SRI: variants seen among roughly 807,000 people sequenced by gnomAD.
The protein encoded by SRI is 22 kDa protein.
SRI carries 30 observed loss-of-function variants against 33.3 expected under a neutral mutation model. That is an observed-to-expected ratio of 0.90 (90% CI 0.67 to 1.22). The LOEUF (loss-of-function observed/expected upper bound fraction) is 1.22. Ranked by LOEUF, SRI falls within the 50% of genes most tolerant of loss-of-function variation. The probability of loss-of-function intolerance (pLI) is 0.00; values close to 1 mark genes in which losing one functional copy is unlikely to be tolerated. For missense variants in SRI, 243 were observed against 250.8 expected, an observed-to-expected ratio of 0.97 and a Z score of 0.21; for synonymous variants, 75 against 89.9, an observed-to-expected ratio of 0.83 and a Z score of 0.94.
intron 2 of SRI, 23 bp downstream of exon 2, chr7:88,218,836 T>G: frequency 6.2e-7 from 1 of 1,611,732 alleles, no homozygotes; most frequent in Middle Eastern, 1.7e-4. Context: ...AACGGCTCTT[T>G]AATATTAAAG....
intron 7 of SRI, 110 bp downstream of exon 7, chr7:88,208,397 T>A (rs1851485041): frequency 1.3e-6 from 2 of 1,499,528 alleles, no homozygotes; most frequent in Non-Finnish European, 8.9e-7. Context: ...GAATCCCTTA[T>A]GTCTCTGGCA....
chr7:88,212,109 T>C (rs1394772306), intron 3 of SRI, among the ~76,000 whole-genome samples: 1 of 152,242 alleles, frequency 6.6e-6, no homozygotes, highest in Non-Finnish European at 1.5e-5. Context: ...TAACAGCTCT[T>C]TGTAGCTTCA....
At chr7:88,222,060 TG>T (rs1851900620), upstream of SRI, among the ~76,000 whole-genome samples, 1 of 129,960 alleles carries the variant, frequency 7.7e-6, no homozygotes, top group Admixed American at 8.1e-5. Flanking sequence ...GGTGTATATG[TG>T]CCACATTTTC....
upstream of SRI, among the ~76,000 whole-genome samples, chr7:88,222,345 A>G (rs1445283886): frequency 6.9e-6 from 1 of 144,476 alleles, no homozygotes; most frequent in African/African-American, 2.6e-5. Flanking sequence ...CCTCTCCAGC[A>G]CCTGTTGTTT....
chr7:88,217,192 C>A lies in SRI; in HGVS notation c.136-1G>T, dbSNP rs1209648562. The stretch of plus-strand genomic sequence containing the variant: ...ATTCATCAGCATCTATCTGCCCATC[C>A]TTTTGAAAAAAAATTAGAGGAATCA... On this transcript the variant is annotated splice_acceptor_variant, in intron 2 of 7. Transcript: ENST00000265729. LOFTEE classifies it high-confidence loss of function. 1 of 1,611,622 alleles carries A rather than the reference C, an allele frequency of 6.2e-7. No individual in the cohort carries two copies. The highest frequency in any genetic ancestry group is 2.2e-5 in the East Asian group (1 of 44,848).
In SRI at chr7:88,208,670, A is replaced by C. The variant is rs961156446; in HGVS notation, c.512-105T>G. 4.6e-6 allele frequency: 7 copies of C among 1,509,268 alleles called. No individual in the cohort carries two copies. In the Admixed American group the frequency reaches 1.4e-4, roughly 29 times the overall value. 93.5% of individuals were successfully genotyped at this position (1,509,268 alleles called of 1,614,324 possible). On this transcript the variant is annotated intron_variant, in intron 6 of 7. Transcript: ENST00000265729. ...TGAATTCACATTGCAGTAACATTTAAATTGTGCAACCAATTAACATAAACA... is the reference window on the plus strand; with the variant it reads ...TGAATTCACATTGCAGTAACATTTACATTGTGCAACCAATTAACATAAACA...
At position 88,217,149 on chromosome 7, in the gene SRI, G is replaced by C. The variant is rs1323925808; in HGVS notation, c.178C>G (p.Gln60Glu). Residue 60 changes from glutamine (Q) to glutamate (E), a missense_variant, in exon 3 of 8, where the codon CAG becomes GAG. Transcript: ENST00000265729. ...DADELQRCLT[Q>E]SGIAGGYKPF... Reference sequence around the variant, plus strand: ...TTGTATCCTCCAGCAATGCCAGACTGTGTCAGACATCTCTGCAATTCATCA... The same window carrying C: ...TTGTATCCTCCAGCAATGCCAGACTCTGTCAGACATCTCTGCAATTCATCA... 6.2e-7 allele frequency: 1 copy of C among 1,613,356 alleles called. No homozygotes were observed. Among genetic ancestry groups the C allele is most frequent in the Non-Finnish European group, 8.5e-7 (1 of 1,179,992 alleles).
chr7:88,210,171 T>A, intron 4 of SRI, 41 bp from the exon 5 acceptor site: 1 of 1,607,906 alleles, frequency 6.2e-7, no homozygotes, highest in Non-Finnish European at 8.5e-7. Context: ...TTTGCGATAT[T>A]TTCTAAGGAT....
chr7:88,220,909 C>G (rs1260753889), upstream of SRI, among the ~76,000 whole-genome samples: 4 of 152,164 alleles, frequency 2.6e-5, no homozygotes, highest in Admixed American at 2.6e-4. Flanking sequence ...GTAGGTTATT[C>G]TTCTTTACTT....
chr7:88,206,324 C>G lies in SRI; in HGVS notation c.*154G>C, dbSNP rs1183834886. The G allele has an allele frequency of 1.1e-6, 1 of 882,348 alleles. No homozygotes were observed. The highest frequency in any genetic ancestry group is 1.8e-6 in the Non-Finnish European group (1 of 541,578). The allele number at this position is 882,348 out of a possible 1,614,324, so 54.7% of individuals were successfully genotyped here. ...AAAGAATTTATTATCAAAACTAAAA[C>G]AAAACTTCAGTTGTACATAAAGTAA... On this transcript the variant is annotated 3_prime_UTR_variant, in exon 8 of 8. Coordinates refer to ENST00000265729, the MANE Select transcript of SRI (RefSeq NM_003130.4).
chr7:88,218,996 T>A, intron 1 of SRI, 54 bp from the exon 2 acceptor site: 1 of 1,537,920 alleles, frequency 6.5e-7, no homozygotes. Flanking sequence ...TTTTCTTCTT[T>A]CACCACTGAG....
At chr7:88,220,064 C>A (rs773822712), upstream of SRI, 3 of 1,500,450 alleles carry the variant, frequency 2.0e-6, no homozygotes, top group South Asian at 3.7e-5. Flanking sequence ...GCCCTGTGCG[C>A]CAGGCCTCTC....
chr7:88,216,728 C>T (rs895399308), intron 3 of SRI: 8 of 192,914 alleles, frequency 4.1e-5, no homozygotes, highest in South Asian at 1.9e-4. Context: ...TACACAAAAC[C>T]CAAATCTGAG....
chr7:88,226,918 G>C, exon 1 of SRI: 1 of 1,613,742 alleles, frequency 6.2e-7, no homozygotes, highest in Non-Finnish European at 8.5e-7. Context: ...CCTGCATCTT[G>C]AGTTGAAGTC....
At position 88,205,480 on chromosome 7, in the gene SRI, G is replaced by A. The variant is rs538750288; in HGVS notation, c.*998C>T. The A allele has an allele frequency of 2.9e-4, 44 of 152,324 alleles. No individual in the cohort carries two copies. Among genetic ancestry groups the A allele is most frequent in the African/African-American group, 1.1e-3 (44 of 41,576 alleles). The allele number at this position is 152,324 out of a possible 1,614,324, so 9.4% of individuals were successfully genotyped here. A position where few individuals can be genotyped will look rare whatever the true frequency, so the allele number is the denominator to read the frequency against. On this transcript the variant is annotated 3_prime_UTR_variant, in exon 8 of 8. Coordinates refer to ENST00000265729, the MANE Select transcript of SRI (RefSeq NM_003130.4). ...ATTAGAATTCAGATCTTACTTGAAA[G>A]TGTACAGCTTAAAATTTTTTAAAAA...
chr7:88,209,261 T>C, intron 6 of SRI, 78 bp downstream of exon 6: 1 of 1,204,900 alleles, frequency 8.3e-7, no homozygotes, highest in Non-Finnish European at 1.2e-6. Context: ...AGAATAAAAG[T>C]TGAGAAGCAC....
intron 7 of SRI, 126 bp downstream of exon 7, chr7:88,208,372 CTCTTTCTAA>C (rs1851483993): frequency 7.0e-7 from 1 of 1,427,794 alleles, no homozygotes; most frequent in Admixed American, 2.8e-5. Flanking sequence ...TGGATGATAA[CTCTTTCTAA>C]CTTTTGAATC....
At chr7:88,217,819 G>A (rs1851770526) in intron 2 of SRI, among the ~76,000 whole-genome samples, 1 of 152,222 alleles carries the variant, frequency 6.6e-6, no homozygotes, top group African/African-American at 2.4e-5. Flanking sequence ...AAGCTAAGCA[G>A]GTGGAGTCAC....
chr7:88,222,678 C>G (rs1851913852), upstream of SRI, among the ~76,000 whole-genome samples: 1 of 152,030 alleles, frequency 6.6e-6, no homozygotes, highest in Admixed American at 6.6e-5. Context: ...CAGAACAAAG[C>G]CCTCAGAAAT....
Sources: gnomAD v4.1 joint callset for allele counts (sites outside exome capture counted in the v4.1 genomes callset) on GRCh38, gnomAD v4.1.1 for gene constraint, MANE v1.5 for transcripts, NCBI Gene and HGNC (gene_info 2026-07-23, HGNC 2026-07-21) for gene names.